RBFOX3: variants seen among roughly 807,000 people sequenced by gnomAD.
The protein encoded by RBFOX3 is RNA binding protein fox-1 homolog 3.
RBFOX3 carries 17 observed loss-of-function variants against 48.7 expected under a neutral mutation model. The observed-to-expected ratio is 0.35, with a 90% CI of 0.24 to 0.52. The LOEUF is 0.52. RBFOX3 is among the 20% of genes least tolerant of loss of function. The pLI is 0.94. For missense variants in RBFOX3, 382 were observed against 497.5 expected (o/e 0.77, Z 2.21); for synonymous variants, 212 against 209.5 (o/e 1.01, Z -0.10).
intron 2 of RBFOX3, among the ~76,000 whole-genome samples, chr17:79,350,504 G>A (rs1256601844): frequency 6.6e-6 from 1 of 152,182 alleles, no homozygotes; most frequent in Non-Finnish European, 1.5e-5. Context: ...ATCCTGGTTT[G>A]TCTAGGATTA....
chr17:79,620,581 GCACGCA>G, the RBFOX3 span, among the ~76,000 whole-genome samples: 1 of 74,516 alleles, frequency 1.3e-5, no homozygotes, highest in East Asian at 3.6e-4. Flanking sequence ...GTGCACACAC[GCACGCA>G]CACACACGCA....
At chr17:79,433,714 G>A (rs950655032) in intron 2 of RBFOX3, among the ~76,000 whole-genome samples, 1 of 151,890 alleles carries the variant, frequency 6.6e-6, no homozygotes, top group East Asian at 1.9e-4. Flanking sequence ...ACACTGACCT[G>A]CAGACCCCAC....
At chr17:79,525,898 G>A (rs2086731374) in intron 1 of RBFOX3, among the ~76,000 whole-genome samples, 2 of 152,194 alleles carry the variant, frequency 1.3e-5, no homozygotes, top group East Asian at 1.9e-4. Flanking sequence ...TACAGCCTGC[G>A]AGGAAAGCCC....
intron 4 of RBFOX3, among the ~76,000 whole-genome samples, chr17:79,196,975 C>T (rs922612268): frequency 1.3e-5 from 2 of 152,228 alleles, no homozygotes; most frequent in African/African-American, 2.4e-5. Context: ...CTGCACTGCC[C>T]TCCAGCACCC....
At chr17:79,427,170 G>A (rs938058697) in intron 2 of RBFOX3, among the ~76,000 whole-genome samples, 1 of 152,162 alleles carries the variant, frequency 6.6e-6, no homozygotes, top group African/African-American at 2.4e-5. Context: ...TAAGAGATGC[G>A]GACGGGGGGC....
chr17:79,370,453 C>T (rs903206803), intron 2 of RBFOX3, among the ~76,000 whole-genome samples: 3 of 152,186 alleles, frequency 2.0e-5, no homozygotes, highest in African/African-American at 7.2e-5. Context: ...CTGATGTGCA[C>T]AGTCACATAC....
At chr17:79,520,443 C>T (rs1290155654) in intron 1 of RBFOX3, among the ~76,000 whole-genome samples, 4 of 152,292 alleles carry the variant, frequency 2.6e-5, no homozygotes, top group Admixed American at 6.5e-5. Context: ...CCTGTGCGCA[C>T]GTGCCAGGGT....
intron 4 of RBFOX3, among the ~76,000 whole-genome samples, chr17:79,197,388 C>CTTTTTTTTTT (rs72118967): frequency 1.8e-5 from 2 of 112,806 alleles, no homozygotes; most frequent in Non-Finnish European, 3.8e-5. Context: ...TTCTTTCTTT[C>CTTTTTTTTTT]TTTTTTTTTT....
chr17:79,463,154 A>ACCTCCACCG (rs1568294176), intron 2 of RBFOX3, among the ~76,000 whole-genome samples: 253 of 92,862 alleles, frequency 2.7e-3, no homozygotes, highest in African/African-American at 9.0e-3. Flanking sequence ...CACCTCCACC[A>ACCTCCACCG]CCATCGCCAC....
intron 4 of RBFOX3, chr17:79,208,542 G>C (rs1262373060): frequency 6.6e-6 from 1 of 152,366 alleles, no homozygotes; most frequent in Admixed American, 6.5e-5. Context: ...TGAAAACACG[G>C]TCAGCTGTTC....
At chr17:79,627,021 A>G in the RBFOX3 span, among the ~76,000 whole-genome samples, 1 of 152,164 alleles carries the variant, frequency 6.6e-6, no homozygotes, top group Non-Finnish European at 1.5e-5. Context: ...AGCAAATAAT[A>G]CTTTTGGCAT....
At chr17:79,178,964 C>T (rs1226580652) in intron 4 of RBFOX3, among the ~76,000 whole-genome samples, 1 of 152,170 alleles carries the variant, frequency 6.6e-6, no homozygotes, top group Non-Finnish European at 1.5e-5. Context: ...GTGCCCTCCT[C>T]CCTCCGCTGG....
In RBFOX3 at chr17:79,229,743, A is replaced by G. The variant is rs1263134553; in HGVS notation, c.-34+6023T>C. Among the ~76,000 whole-genome samples the G allele has an allele frequency of 3.3e-5, 5 of 152,070 alleles. No homozygotes were observed. The East Asian group carries it at 7.7e-4, about 23-fold the overall frequency. ...TCCTACAGGGAGGCTTGACTTCTCCAGGGAAATTCTCAGTGTGAAAAGTAG... is the reference window on the plus strand; with the variant it reads ...TCCTACAGGGAGGCTTGACTTCTCCGGGGAAATTCTCAGTGTGAAAAGTAG... On this transcript the variant is annotated intron_variant, in intron 4 of 14. Transcript: ENST00000693108.
chr17:79,453,597 C>T (rs1338300610), intron 2 of RBFOX3, among the ~76,000 whole-genome samples: 4 of 152,110 alleles, frequency 2.6e-5, no homozygotes, highest in Admixed American at 6.5e-5. Context: ...GAAATAGTGC[C>T]GTTTAAGAGT....
intron 1 of RBFOX3, among the ~76,000 whole-genome samples, chr17:79,536,300 G>C (rs2088734536): frequency 1.3e-5 from 2 of 152,164 alleles, no homozygotes; most frequent in Admixed American, 1.3e-4. Flanking sequence ...CTGAACTTTT[G>C]ACCTCAAATG....
intron 3 of RBFOX3, among the ~76,000 whole-genome samples, chr17:79,276,565 A>G (rs1264782440): frequency 6.6e-6 from 1 of 151,918 alleles, no homozygotes; most frequent in Non-Finnish European, 1.5e-5. Context: ...GGCGCCTGTA[A>G]TCCCAGCTGC....
rs542642633 is a variant in RBFOX3 at position 79,323,758 on chromosome 17, T to A, written c.-174-15934A>T. On this transcript the variant is annotated intron_variant, in intron 2 of 14. Transcript: ENST00000693108. The stretch of plus-strand genomic sequence containing the variant: ...GTGCCGAGAGCTGGCGAGAGAGGCA[T>A]GTTCTGCCCGTGGCCGGTGGTGTGT... Among the ~76,000 whole-genome samples, 3 of 152,354 alleles carry A rather than the reference T, an allele frequency of 2.0e-5. No homozygotes were observed. The East Asian group carries it at 5.8e-4, about 29-fold the overall frequency.
At position 79,364,356 on chromosome 17, in the gene RBFOX3, A is replaced by T. The variant is rs2057414784; in HGVS notation, c.-174-56532T>A. Among the ~76,000 whole-genome samples, 1 of 152,200 alleles carries T rather than the reference A, an allele frequency of 6.6e-6. No individual in the cohort carries two copies. The highest frequency in any genetic ancestry group is 1.5e-5 in the Non-Finnish European group (1 of 68,040). ...TGGACTTGCAGTCTATAGAAGACAC[A>T]CGCTTGGGTGTTCCTTGAATGACGG... On this transcript the variant is annotated intron_variant, in intron 2 of 14. Coordinates refer to ENST00000693108, the MANE Select transcript of RBFOX3 (RefSeq NM_001350451.2). This position sits in a 1 kb window ranked among gnomAD's most constrained non-coding sequence, Gnocchi z 5.1.
intron 3 of RBFOX3, among the ~76,000 whole-genome samples, chr17:79,301,895 T>A (rs2075371265): frequency 6.6e-6 from 1 of 152,176 alleles, no homozygotes; most frequent in Non-Finnish European, 1.5e-5. Context: ...GTGAGGTCCC[T>A]AGAGTCATCC....
Sources: allele counts gnomAD v4.1 joint callset (sites outside exome capture counted in the v4.1 genomes callset), GRCh38; gene constraint gnomAD v4.1.1; non-coding constraint Gnocchi (gnomAD v3.1); transcripts MANE v1.5; gene names NCBI Gene and HGNC (gene_info 2026-07-23, HGNC 2026-07-21).